NOP9: variants seen among roughly 807,000 people sequenced by gnomAD.
NOP9 encodes nucleolar protein 9.
Under a neutral mutation model 63.0 loss-of-function variants are expected in NOP9, and 50 were observed. The ratio of observed to expected loss-of-function variants is 0.79; its 90% CI spans 0.63 to 1.00. The LOEUF (loss-of-function observed/expected upper bound fraction) is 1.00, where lower values mean the gene tolerates loss of function less well. Ranked by LOEUF, NOP9 falls within the 50% of genes least tolerant of loss-of-function variation. The probability of loss-of-function intolerance (pLI) is 0.00; values close to 1 mark genes in which losing one functional copy is unlikely to be tolerated. For synonymous variants in NOP9, 343 were observed against 332.8 expected, an observed-to-expected ratio of 1.03 and a Z score of -0.33; for missense variants, 758 against 803.0, an observed-to-expected ratio of 0.94 and a Z score of 0.68.
Position 24,304,930 on chromosome 14 carries a change from CT to C in NOP9, c.1754-5del, listed in dbSNP as rs2041453135. The C allele has an allele frequency of 1.3e-6, 2 of 1,518,572 alleles. No individual in the cohort carries two copies. The highest frequency in any genetic ancestry group is 8.8e-7 in the Non-Finnish European group (1 of 1,134,964). 94.1% of individuals were successfully genotyped at this position (1,518,572 alleles called of 1,614,324 possible). On this transcript the variant is annotated splice_region_variant and splice_polypyrimidine_tract_variant and intron_variant, in intron 9 of 9. Transcript: ENST00000267425. ...GGTAGTACTAAACATGAGTGGTTCC[CT>C]TTGCAGGGGAGCAGAACCAGGAGCT...
chr14:24,294,587 CAA>C, the NOP9 span: 7 of 99,002 alleles, frequency 7.1e-5, no homozygotes, highest in African/African-American at 2.0e-4. Flanking sequence ...GATTCCACCT[CAA>C]AACAACAACA....
rs950306794 is a variant in NOP9, at chr14:24,305,678, C to T, written c.*583C>T. 1.9e-6 allele frequency: 3 copies of T among 1,614,092 alleles called. No individual in the cohort carries two copies. Among genetic ancestry groups the T allele is most frequent in the Non-Finnish European group, 2.5e-6 (3 of 1,180,046 alleles). Reference sequence around the variant, plus strand: ...CCTTCTGCTGCCACTGCTCAGCCCCCTCCACTGCATGACGAAGGGTGGAGG... The same window carrying T: ...CCTTCTGCTGCCACTGCTCAGCCCCTTCCACTGCATGACGAAGGGTGGAGG... On this transcript the variant is annotated 3_prime_UTR_variant, in exon 10 of 10. Transcript: ENST00000267425.
At chr14:24,299,834 G>A (rs367797776), upstream of NOP9, 3 of 1,265,226 alleles carry the variant, frequency 2.4e-6, no homozygotes, top group East Asian at 7.7e-5. Flanking sequence ...TGACGTAGTA[G>A]CTGCGTCAGG....
At chr14:24,299,574 C>T (rs2041327494), upstream of NOP9, 1 of 245,364 alleles carries the variant, frequency 4.1e-6, no homozygotes, top group South Asian at 1.0e-4. Flanking sequence ...GAGCGTGCGC[C>T]GCTTACCTGC....
At chr14:24,275,181 GGATTA>G in the NOP9 span, among the ~76,000 whole-genome samples, 1 of 152,074 alleles carries the variant, frequency 6.6e-6, no homozygotes, top group Non-Finnish European at 1.5e-5. Context: ...CAAAGTGCTG[GGATTA>G]TAGGCGTGAG....
rs2041523112 is a variant in NOP9 at position 24,306,767 on chromosome 14, C to T, written c.*1672C>T. The T allele has an allele frequency of 1.1e-5, 6 of 534,096 alleles. No homozygotes were observed. The allele number at this position is 534,096 out of a possible 1,614,324, so 33.1% of individuals were successfully genotyped here. A position where few individuals can be genotyped will look rare whatever the true frequency, so the allele number is the denominator to read the frequency against. On this transcript the variant is annotated 3_prime_UTR_variant, in exon 10 of 10. Coordinates refer to ENST00000267425, the MANE Select transcript of NOP9 (RefSeq NM_174913.3). ...CATTGGCATCTCCCCTTGCTCCCCT[C>T]CAAGTCACTTCTGGTTTGGAATTGG...
upstream of NOP9, chr14:24,298,864 A>G (rs2041311238): frequency 2.2e-6 from 3 of 1,358,078 alleles, no homozygotes; most frequent in South Asian, 1.4e-5. Context: ...GAGTAGTATT[A>G]TAGTTTCAGG....
At chr14:24,291,602 C>T in the NOP9 span, 315,982 of 1,613,754 alleles carry the variant, frequency 0.2, 33,892 homozygotes, top group Admixed American at 0.35. Flanking sequence ...CTGTGGTTTC[C>T]GCAGATGAGA....
chr14:24,302,120 C>T lies in NOP9; in HGVS notation c.950+14C>T, dbSNP rs1443638629. ...AGTAGATGGCAGGTATGGTCAGGGC[C>T]TCAGGATCGACCCAAGTTGGCGGGG... On this transcript the variant is annotated intron_variant, in intron 4 of 9. Coordinates refer to ENST00000267425, the MANE Select transcript of NOP9 (RefSeq NM_174913.3). The T allele has an allele frequency of 2.5e-6, 4 of 1,609,746 alleles. No homozygotes were observed. Among genetic ancestry groups the T allele is most frequent in the Non-Finnish European group, 3.4e-6 (4 of 1,176,850 alleles).
Position 24,307,281 on chromosome 14 carries a change from C to T in NOP9, c.*2186C>T, listed in dbSNP as rs1173742331. 7.1e-7 allele frequency: 1 copy of T among 1,406,356 alleles called. No individual in the cohort carries two copies. Among genetic ancestry groups the T allele is most frequent in the African/African-American group, 1.4e-5 (1 of 70,034 alleles). 87.1% of individuals were successfully genotyped at this position (1,406,356 alleles called of 1,614,324 possible). ...AGAGGGAGGGGCAGCTGTGTGACTT[C>T]AGCCCTCTGCTCCATCATCACAAGT... is the stretch of plus-strand genomic sequence containing the variant. On this transcript the variant is annotated 3_prime_UTR_variant, in exon 10 of 10. Transcript: ENST00000267425.
At position 24,301,951 on chromosome 14, in the gene NOP9, C is replaced by T. The variant is rs190166422; in HGVS notation, c.809-14C>T. On this transcript the variant is annotated splice_polypyrimidine_tract_variant and intron_variant, in intron 3 of 9. Transcript: ENST00000267425. ...TTTTGGGAAAGCCGCTTTATTTCTG[C>T]CCTCTCTCCACAGTGTTTATCACTG... The T allele has an allele frequency of 1.9e-6, 3 of 1,597,454 alleles. No homozygotes were observed. Among genetic ancestry groups the T allele is most frequent in the East Asian group, 2.2e-5 (1 of 44,700 alleles).
chr14:24,293,911 A>T, the NOP9 span: 3 of 152,392 alleles, frequency 2.0e-5, no homozygotes, highest in East Asian at 5.8e-4. Context: ...TGATAAGTCA[A>T]TGAAACAAAA....
At chr14:24,290,712 C>G in the NOP9 span, 1 of 1,030,984 alleles carries the variant, frequency 9.7e-7, no homozygotes, top group East Asian at 2.4e-5. Flanking sequence ...AGGCGCACCC[C>G]AGAACTCACC....
the NOP9 span, among the ~76,000 whole-genome samples, chr14:24,285,796 C>A: frequency 6.6e-6 from 1 of 152,114 alleles, no homozygotes; most frequent in South Asian, 2.1e-4. Context: ...CGAGACCAGC[C>A]TGGGCAAGAT....
rs2041377257 is a variant in NOP9 at position 24,301,592 on chromosome 14, T to A, written c.698-20T>A. ...CAGTTTGTGATCTCCCCACTGCACA[T>A]GTTCTTAATCTTCCTTCAGAAGCAC... On this transcript the variant is annotated intron_variant, in intron 2 of 9. Transcript: ENST00000267425. The A allele has an allele frequency of 1.9e-6, 3 of 1,614,016 alleles. No homozygotes were observed. Among genetic ancestry groups the A allele is most frequent in the Non-Finnish European group, 2.5e-6 (3 of 1,179,824 alleles).
In NOP9 at chr14:24,304,030, T is replaced by G; in HGVS notation, c.1411-11T>G. ...TTGGTGCCTCCTAATTTCTTATCTCTGCGCTGCCAGGTGGCAATGGCCGCA... is the reference window on the plus strand; with the variant it reads ...TTGGTGCCTCCTAATTTCTTATCTCGGCGCTGCCAGGTGGCAATGGCCGCA... On this transcript the variant is annotated splice_polypyrimidine_tract_variant and intron_variant, in intron 7 of 9. Coordinates refer to ENST00000267425, the MANE Select transcript of NOP9 (RefSeq NM_174913.3). 6.2e-7 allele frequency: 1 copy of G among 1,612,270 alleles called. No homozygotes were observed. Among genetic ancestry groups the G allele is most frequent in the South Asian group, 1.1e-5 (1 of 91,044 alleles).
chr14:24,278,705 T>C, the NOP9 span, among the ~76,000 whole-genome samples: 2 of 152,240 alleles, frequency 1.3e-5, no homozygotes, highest in Non-Finnish European at 2.9e-5. Flanking sequence ...GACTGTGATC[T>C]GCTTGCCAAA....
chr14:24,306,176 C>T lies in NOP9; in HGVS notation c.*1081C>T. On this transcript the variant is annotated 3_prime_UTR_variant, in exon 10 of 10. Transcript: ENST00000267425. Reference sequence around the variant, plus strand: ...TTGTCAGTGCAGTAGATCCTCATACCAGACACCCACCACTAATCTCCATCA... The same window carrying T: ...TTGTCAGTGCAGTAGATCCTCATACTAGACACCCACCACTAATCTCCATCA... The T allele has an allele frequency of 1.3e-6, 2 of 1,591,966 alleles. No homozygotes were observed. Among genetic ancestry groups the T allele is most frequent in the Non-Finnish European group, 1.7e-6 (2 of 1,164,352 alleles).
rs746422898 is a variant in NOP9 at position 24,305,789 on chromosome 14, A to G, written c.*694A>G. The G allele has an allele frequency of 6.2e-7, 1 of 1,609,044 alleles. No homozygotes were observed. The highest frequency in any genetic ancestry group is 1.3e-5 in the African/African-American group (1 of 74,868). On this transcript the variant is annotated 3_prime_UTR_variant, in exon 10 of 10. Coordinates refer to ENST00000267425, the MANE Select transcript of NOP9 (RefSeq NM_174913.3). ...CCCTGAATGGCAGAGACAAGAGGAAATCAGATGATTTGGAAAACTTGGGAG... is the reference window on the plus strand; with the variant it reads ...CCCTGAATGGCAGAGACAAGAGGAAGTCAGATGATTTGGAAAACTTGGGAG...
Sources: gnomAD v4.1 joint callset for allele counts (sites outside exome capture counted in the v4.1 genomes callset) on GRCh38, gnomAD v4.1.1 for gene constraint, MANE v1.5 for transcripts, NCBI Gene and HGNC (gene_info 2026-07-23, HGNC 2026-07-21) for gene names.